LIMS1: variants seen among roughly 807,000 people sequenced by gnomAD.
LIMS1 encodes the protein LIM zinc finger domain containing 1, also known as LIM and senescent cell antigen-like-containing domain protein 1.
In LIMS1, 18 loss-of-function variants were observed where a neutral mutation model predicts 44.1. The ratio of observed to expected loss-of-function variants is 0.41; its 90% CI spans 0.28 to 0.61. The LOEUF (loss-of-function observed/expected upper bound fraction) is 0.61. Among genes scored for constraint, LIMS1 ranks in the 20% least tolerant of loss-of-function variants. LIMS1 has a pLI of 0.32. For missense variants in LIMS1, 201 were observed against 422.0 expected (o/e 0.48, Z 4.59); for synonymous variants, 93 against 149.1 (o/e 0.62, Z 2.74).
intron 1 of LIMS1, among the ~76,000 whole-genome samples, chr2:108,560,743 A>G (rs1558787842): frequency 2.0e-5 from 3 of 152,148 alleles, no homozygotes; most frequent in Admixed American, 1.3e-4. Flanking sequence ...TGTCCTTACT[A>G]TAAGCCTCAC....
At chr2:108,574,483 A>G (rs963584128) in intron 1 of LIMS1, among the ~76,000 whole-genome samples, 1 of 151,846 alleles carries the variant, frequency 6.6e-6, no homozygotes, top group African/African-American at 2.4e-5. Flanking sequence ...TCTGACCCAA[A>G]CCTTTCACTC....
intron 1 of LIMS1, among the ~76,000 whole-genome samples, chr2:108,576,106 A>G (rs750472092): frequency 6.6e-6 from 1 of 152,164 alleles, no homozygotes; most frequent in Non-Finnish European, 1.5e-5. Flanking sequence ...ACTGTTCTTG[A>G]TAAGGTTTTA....
intron 1 of LIMS1, 131 bp from the exon 2 acceptor site, chr2:108,659,474 A>T (rs1691170740): frequency 6.9e-7 from 1 of 1,443,968 alleles, no homozygotes. Flanking sequence ...ACAAGCAAGA[A>T]ATTGAGCTTT....
intron 1 of LIMS1, among the ~76,000 whole-genome samples, chr2:108,629,779 C>T (rs527420937): frequency 6.6e-6 from 1 of 152,300 alleles, no homozygotes; most frequent in South Asian, 2.1e-4. Flanking sequence ...AGTGATTCTC[C>T]ATGGAGGTGA....
chr2:108,562,161 CTGGCCATTTGCCGATCT>C (rs574352848), intron 1 of LIMS1, among the ~76,000 whole-genome samples: 1,876 of 152,334 alleles, frequency 0.012, 44 homozygotes, highest in African/African-American at 0.042. Context: ...GCTATACTTA[CTGGCCATTTGCCGATCT>C]CTCACCCTCT....
intron 1 of LIMS1, among the ~76,000 whole-genome samples, chr2:108,627,400 G>GTTTT (rs58261864): frequency 4.7e-5 from 5 of 107,050 alleles, no homozygotes; most frequent in Non-Finnish European, 3.8e-5. Context: ...TCCCTTTCTG[G>GTTTT]TTTTTTTTTT....
At chr2:108,593,958 A>G (rs779295411) in intron 1 of LIMS1, among the ~76,000 whole-genome samples, 3 of 152,192 alleles carry the variant, frequency 2.0e-5, no homozygotes, top group Non-Finnish European at 4.4e-5. Flanking sequence ...ATATCCATGC[A>G]CTTGAGGGGA....
chr2:108,596,915 GTTTT>G (rs34313967), intron 1 of LIMS1, among the ~76,000 whole-genome samples: 3 of 68,472 alleles, frequency 4.4e-5, no homozygotes, highest in South Asian at 7.7e-4. Context: ...CGAAACATCT[GTTTT>G]TTTTTTTTTT....
intron 2 of LIMS1, among the ~76,000 whole-genome samples, chr2:108,664,727 C>CA (rs1252878547): frequency 6.6e-6 from 1 of 152,004 alleles, no homozygotes; most frequent in African/African-American, 2.4e-5. Context: ...TTTCTACACA[C>CA]TGTAGAAAAG....
At chr2:108,587,610 C>G (rs1036655574) in intron 1 of LIMS1, among the ~76,000 whole-genome samples, 1 of 152,092 alleles carries the variant, frequency 6.6e-6, no homozygotes, top group Non-Finnish European at 1.5e-5. Flanking sequence ...GGTAAAGGAG[C>G]TTTCTTGCTG....
intron 1 of LIMS1, among the ~76,000 whole-genome samples, chr2:108,551,478 T>C (rs1008540923): frequency 8.6e-5 from 10 of 116,814 alleles, no homozygotes; most frequent in Non-Finnish European, 1.2e-4. Flanking sequence ...TATATACATA[T>C]ATGCGCGCGC....
intron 1 of LIMS1, among the ~76,000 whole-genome samples, chr2:108,599,866 A>T (rs1686907968): frequency 6.6e-6 from 1 of 151,550 alleles, no homozygotes; most frequent in Non-Finnish European, 1.5e-5. Context: ...CCATTTTCTG[A>T]TCAGATTATT....
chr2:108,594,619 C>T (rs910938191), intron 1 of LIMS1, among the ~76,000 whole-genome samples: 3 of 151,896 alleles, frequency 2.0e-5, no homozygotes, highest in African/African-American at 7.3e-5. Context: ...TGTAGAAATA[C>T]AATGTAAGCA....
At chr2:108,602,455 G>A (rs916018404) in intron 1 of LIMS1, among the ~76,000 whole-genome samples, 2 of 152,084 alleles carry the variant, frequency 1.3e-5, no homozygotes, top group Non-Finnish European at 2.9e-5. Context: ...ATTATGTTGA[G>A]GTATGCTTTT....
intron 1 of LIMS1, among the ~76,000 whole-genome samples, chr2:108,639,055 A>T (rs78224894): frequency 1.3e-5 from 2 of 152,046 alleles, no homozygotes; most frequent in Non-Finnish European, 2.9e-5. Context: ...AAAAAAAAAA[A>T]TGTCTACTTA....
intron 1 of LIMS1, among the ~76,000 whole-genome samples, chr2:108,566,537 A>G (rs1010803362): frequency 4.0e-5 from 6 of 151,818 alleles, no homozygotes; most frequent in Non-Finnish European, 5.9e-5. Context: ...CCCAAACCCT[A>G]CTCTTTCCAG....
At chr2:108,684,056 T>C (rs1693183274) in exon 10 of LIMS1, 1 of 855,782 alleles carries the variant, frequency 1.2e-6, no homozygotes, top group African/African-American at 1.7e-5. Context: ...TTACTTGTCT[T>C]GATCTACCCA....
intron 1 of LIMS1, among the ~76,000 whole-genome samples, chr2:108,592,020 C>T (rs1231365046): frequency 6.6e-6 from 1 of 152,130 alleles, no homozygotes; most frequent in Non-Finnish European, 1.5e-5. Context: ...GTCTCGAACT[C>T]CTGACCTCAG....
chr2:108,619,942 G>A (rs1158077440), intron 1 of LIMS1, among the ~76,000 whole-genome samples: 2 of 152,166 alleles, frequency 1.3e-5, no homozygotes, highest in Non-Finnish European at 2.9e-5. Context: ...GGAGACAGAT[G>A]TAACTGTCAA....
Sources: allele counts gnomAD v4.1 joint callset (sites outside exome capture counted in the v4.1 genomes callset), GRCh38; gene constraint gnomAD v4.1.1; transcripts MANE v1.5; gene names NCBI Gene and HGNC (gene_info 2026-07-23, HGNC 2026-07-21).